CTNNA2: variants seen among roughly 807,000 people sequenced by gnomAD.
CTNNA2 encodes the protein catenin alpha-2.
Under a neutral mutation model 101.0 loss-of-function variants are expected in CTNNA2, and 42 were observed. The ratio of observed to expected loss-of-function variants is 0.42; its 90% CI spans 0.32 to 0.54. The LOEUF (loss-of-function observed/expected upper bound fraction) is 0.54. Ranked by LOEUF, CTNNA2 falls within the 20% of genes least tolerant of loss-of-function variation. The pLI, the probability that CTNNA2 is intolerant of heterozygous loss-of-function variation, is 0.14. For missense variants in CTNNA2, 871 were observed against 1,223.1 expected, an observed-to-expected ratio of 0.71 and a Z score of 4.29; for synonymous variants, 450 against 456.4, an observed-to-expected ratio of 0.99 and a Z score of 0.18.
intron 3 of CTNNA2, among the ~76,000 whole-genome samples, chr2:79,355,269 G>A (rs1434176): frequency 0.36 from 54,869 of 151,892 alleles, 10,227 homozygotes; most frequent in Admixed American, 0.44. Context: ...GAAAAATGAC[G>A]TTGGTGATTT....
rs899764926 is a variant in CTNNA2 at position 79,374,914 on chromosome 2, G to A, written c.-135+901G>A. Among the ~76,000 whole-genome samples the A allele has an allele frequency of 1.8e-4, 27 of 152,196 alleles. No individual in the cohort carries two copies. The East Asian group carries it at 4.1e-3, about 23-fold the overall frequency. ...GTGAAGTCAGGCTCATGACCTGTGT[G>A]CCAATTTACAATCTAATAAAAATTT... On this transcript the variant is annotated intron_variant, in intron 4 of 21. Coordinates refer to the CTNNA2 transcript ENST00000466387.
At position 80,424,104 on chromosome 2, in the gene CTNNA2, C is replaced by T. The variant is rs117831637; in HGVS notation, c.1290+4503C>T. Among the ~76,000 whole-genome samples, 73 of 152,150 alleles carry T rather than the reference C, an allele frequency of 4.8e-4. No individual in the cohort carries two copies. The East Asian group carries it at 0.013, about 28-fold the overall frequency. Reference sequence around the variant, plus strand: ...CCAAGTAGCTTGGATTACAGGCACCCGCCAGCAGGCCCAGCTAATTTTTGT... The same window carrying T: ...CCAAGTAGCTTGGATTACAGGCACCTGCCAGCAGGCCCAGCTAATTTTTGT... On this transcript the variant is annotated intron_variant, in intron 9 of 18. Transcript: ENST00000402739.
chr2:80,094,405 G>A (rs1337600407), intron 7 of CTNNA2, among the ~76,000 whole-genome samples: 2 of 152,168 alleles, frequency 1.3e-5, no homozygotes, highest in Non-Finnish European at 2.9e-5. Context: ...TTTGGTTACC[G>A]TGGCCTTATA....
At chr2:79,861,552 T>G (rs1681627239) in intron 4 of CTNNA2, among the ~76,000 whole-genome samples, 1 of 152,174 alleles carries the variant, frequency 6.6e-6, no homozygotes, top group Non-Finnish European at 1.5e-5. Context: ...TAATTATGTT[T>G]AGGAACTTAA....
intron 7 of CTNNA2, among the ~76,000 whole-genome samples, chr2:80,218,285 G>A (rs994675803): frequency 6.6e-6 from 1 of 152,218 alleles, no homozygotes; most frequent in Non-Finnish European, 1.5e-5. Flanking sequence ...CCCATCTTAT[G>A]GGAAGAGGCT....
At chr2:80,636,842 T>G (rs1319822698) in intron 18 of CTNNA2, among the ~76,000 whole-genome samples, 2 of 152,168 alleles carry the variant, frequency 1.3e-5, no homozygotes, top group African/African-American at 2.4e-5. Flanking sequence ...TTCTTAGATA[T>G]TTTAGGTGTC....
chr2:79,330,180 G>C (rs957228180), intron 3 of CTNNA2, among the ~76,000 whole-genome samples: 2 of 152,138 alleles, frequency 1.3e-5, no homozygotes, highest in African/African-American at 4.8e-5. Flanking sequence ...ACTGAGACAG[G>C]AGAACTTGTA....
intron 1 of CTNNA2, among the ~76,000 whole-genome samples, chr2:79,559,238 G>C (rs1216341100): frequency 1.3e-5 from 2 of 151,914 alleles, no homozygotes; most frequent in African/African-American, 4.8e-5. Flanking sequence ...TAGACTATCA[G>C]AGGGTGCTTT....
In CTNNA2 at chr2:80,002,471, G is replaced by A. The variant is rs13408438; in HGVS notation, c.1056+92674G>A. Reference sequence around the variant, plus strand: ...GTCTACAGTATTTCCCTGACATCTAGATCAAATATGTACATTATTACACTT... The same window carrying A: ...GTCTACAGTATTTCCCTGACATCTAAATCAAATATGTACATTATTACACTT... On this transcript the variant is annotated intron_variant, in intron 7 of 18. Coordinates refer to ENST00000402739, the MANE Select transcript of CTNNA2 (RefSeq NM_001282597.3). Among the ~76,000 whole-genome samples, 1,505 of 152,248 alleles carry A rather than the reference G, an allele frequency of 9.9e-3. 24 individuals carry two copies. The highest frequency in any genetic ancestry group is 0.034 in the African/African-American group (1,411 of 41,554).
At chr2:80,533,750 G>C (rs145934471) in intron 9 of CTNNA2, among the ~76,000 whole-genome samples, 1 of 152,144 alleles carries the variant, frequency 6.6e-6, no homozygotes, top group Non-Finnish European at 1.5e-5. Flanking sequence ...TGAAAACTAA[G>C]TAATAGTGGA....
intron 1 of CTNNA2, among the ~76,000 whole-genome samples, chr2:79,535,526 GC>G (rs1673004414): frequency 6.6e-6 from 1 of 151,742 alleles, no homozygotes; most frequent in Admixed American, 6.6e-5. Context: ...TTATAACCAG[GC>G]AAAATAAATT....
chr2:80,144,160 C>T (rs1035446210), intron 7 of CTNNA2, among the ~76,000 whole-genome samples: 1 of 152,048 alleles, frequency 6.6e-6, no homozygotes, highest in Non-Finnish European at 1.5e-5. Flanking sequence ...GCTTGAGGTA[C>T]GTAGACAAAA....
rs1032403085 is a variant in CTNNA2, at chr2:79,624,672, T to C, written c.-5-26880T>C. 5.9e-5 allele frequency among the ~76,000 whole-genome samples: 9 copies of C among 152,092 alleles called. No homozygotes were observed. In the South Asian group the frequency reaches 6.2e-4, roughly 10 times the overall value. The stretch of plus-strand genomic sequence containing the variant: ...TAATTCAATCAATATTGATTGAAAA[T>C]ATATTGTGCTTTGACTTCTGCACCA... On this transcript the variant is annotated intron_variant, in intron 1 of 18. Transcript: ENST00000402739.
intron 7 of CTNNA2, among the ~76,000 whole-genome samples, chr2:80,093,583 G>A (rs1699933047): frequency 6.6e-6 from 1 of 152,136 alleles, no homozygotes; most frequent in Non-Finnish European, 1.5e-5. Flanking sequence ...TCACCACACT[G>A]ACTTCCACAA....
In CTNNA2 at chr2:79,446,303, G is replaced by A. The variant is rs529059908; in HGVS notation, c.-134-58751G>A. Among the ~76,000 whole-genome samples the A allele has an allele frequency of 1.5e-4, 23 of 151,964 alleles. 1 individual carries two copies. Among genetic ancestry groups the A allele is most frequent in the African/African-American group, 5.3e-4 (22 of 41,446 alleles). On this transcript the variant is annotated intron_variant, in intron 4 of 21. Coordinates refer to the CTNNA2 transcript ENST00000466387. ...AACCCTACATTGAAGGTTGGAAAAC[G>A]GAAAGATGGCTCTTCAAGCATCTTT...
intron 4 of CTNNA2, among the ~76,000 whole-genome samples, chr2:79,501,833 A>G (rs975550220): frequency 1.3e-4 from 20 of 152,228 alleles, no homozygotes; most frequent in African/African-American, 4.8e-4. Flanking sequence ...TAATTGGGAA[A>G]GAATGGGACT....
intron 2 of CTNNA2, among the ~76,000 whole-genome samples, chr2:79,297,405 T>C (rs555122579): frequency 6.6e-6 from 1 of 152,294 alleles, no homozygotes; most frequent in South Asian, 2.1e-4. Context: ...GTCACTCTCT[T>C]ACATTTGAAC....
intron 4 of CTNNA2, among the ~76,000 whole-genome samples, chr2:79,436,924 C>T (rs1032601173): frequency 6.6e-6 from 1 of 151,898 alleles, no homozygotes; most frequent in African/African-American, 2.4e-5. Context: ...AGCCACCATG[C>T]CCGGCCCAAT....
At chr2:80,205,228 T>C (rs1010492749) in intron 7 of CTNNA2, among the ~76,000 whole-genome samples, 1 of 152,172 alleles carries the variant, frequency 6.6e-6, no homozygotes, top group East Asian at 1.9e-4. Flanking sequence ...TGAAGGATTG[T>C]ATTTTGATCC....
Sources: allele counts gnomAD v4.1 joint callset (sites outside exome capture counted in the v4.1 genomes callset), GRCh38; gene constraint gnomAD v4.1.1; transcripts MANE v1.5; gene names NCBI Gene and HGNC (gene_info 2026-07-23, HGNC 2026-07-21).